Variants in LRRC69 observed in about 807,000 individuals in gnomAD.
LRRC69 encodes leucine-rich repeat-containing protein 69.
In LRRC69, 42 loss-of-function variants were observed where a neutral mutation model predicts 37.8. The observed-to-expected ratio is 1.11, with a 90% confidence interval of 0.87 to 1.44. LRRC69 has a LOEUF of 1.44. Among genes scored for constraint, LRRC69 ranks in the 40% most tolerant of loss-of-function variants. The probability of loss-of-function intolerance (pLI) is 0.00; values close to 1 mark genes in which losing one functional copy is unlikely to be tolerated. For synonymous variants in LRRC69, 141 were observed against 143.1 expected (o/e 0.99, Z 0.11); for missense variants, 357 against 401.9 (o/e 0.89, Z 0.96).
intron 5 of LRRC69, among the ~76,000 whole-genome samples, chr8:91,140,844 G>A (rs1390897471): frequency 2.5e-5 from 1 of 40,034 alleles, no homozygotes; most frequent in Admixed American, 1.7e-4. Context: ...TAGTAGAGAC[G>A]GGGTTTCACC....
chr8:91,133,124 CT>C lies in LRRC69; in HGVS notation c.400del (p.Tyr134IlefsTer2). ...TTTTTTTTTAGATTAAAAAGTCTTA[CT>C]TATATGAGTATAAATTATAACCAAC... On this transcript the variant is annotated frameshift_variant, in exon 4 of 8. Transcript: ENST00000448384. LOFTEE classifies it high-confidence loss of function. The C allele has an allele frequency of 7.0e-7, 1 of 1,434,244 alleles. No individual in the cohort carries two copies. Among genetic ancestry groups the C allele is most frequent in the Non-Finnish European group, 9.4e-7 (1 of 1,068,922 alleles). 88.8% of individuals were successfully genotyped at this position (1,434,244 alleles called of 1,614,324 possible). A position where few individuals can be genotyped will look rare whatever the true frequency, so the allele number is the denominator to read the frequency against.
At chr8:91,103,124 C>A (rs1444567976) in intron 1 of LRRC69, among the ~76,000 whole-genome samples, 4 of 152,104 alleles carry the variant, frequency 2.6e-5, no homozygotes, top group Non-Finnish European at 5.9e-5. Flanking sequence ...TAGAGGCTGT[C>A]ATCTGGAAAG....
At chr8:91,154,544 A>G (rs1482821568) in intron 5 of LRRC69, among the ~76,000 whole-genome samples, 1 of 151,960 alleles carries the variant, frequency 6.6e-6, no homozygotes, top group Non-Finnish European at 1.5e-5. Context: ...AGTGGTCTTC[A>G]TTCATGGGAT....
rs1046611147 is a variant in LRRC69, at chr8:91,124,434, CTTT to C, written c.184-54_184-52del. ...GTGAGCAAGGGAGCTTAAATTATTT[CTTT>C]TTTTCATTTGAAGTTGGATGATATA... On this transcript the variant is annotated intron_variant, in intron 1 of 7. Transcript: ENST00000448384. 8.8e-6 allele frequency: 12 copies of C among 1,359,512 alleles called. No individual in the cohort carries two copies. The African/African-American group carries it at 1.8e-4, about 20-fold the overall frequency. 84.2% of individuals were successfully genotyped at this position (1,359,512 alleles called of 1,614,324 possible).
chr8:91,199,686 A>G (rs1809680782), intron 6 of LRRC69, among the ~76,000 whole-genome samples: 1 of 152,188 alleles, frequency 6.6e-6, no homozygotes, highest in Non-Finnish European at 1.5e-5. Flanking sequence ...TCATCCCCAA[A>G]CACTGTTAAA....
At chr8:91,124,832 G>A (rs1252343739) in intron 2 of LRRC69, 4 of 410,142 alleles carry the variant, frequency 9.8e-6, no homozygotes, top group East Asian at 5.1e-5. Flanking sequence ...AAATAAGTAA[G>A]CATCAGTGTT....
At chr8:91,104,138 CAG>C (rs1243372002) in intron 1 of LRRC69, among the ~76,000 whole-genome samples, 4 of 151,950 alleles carry the variant, frequency 2.6e-5, no homozygotes, top group Admixed American at 6.6e-5. Flanking sequence ...CATCTGGAAT[CAG>C]GGGATTAGGT....
chr8:91,119,161 TA>T (rs1227729188), intron 1 of LRRC69, among the ~76,000 whole-genome samples: 2 of 152,054 alleles, frequency 1.3e-5, no homozygotes, highest in Non-Finnish European at 2.9e-5. Context: ...ATCTTAAACA[TA>T]ATTGAATTAA....
intron 6 of LRRC69, among the ~76,000 whole-genome samples, chr8:91,199,175 AG>A (rs1295480365): frequency 1.3e-5 from 2 of 152,234 alleles, no homozygotes; most frequent in Non-Finnish European, 2.9e-5. Flanking sequence ...TGTAGCTAAA[AG>A]CCCACCTATA....
intron 5 of LRRC69, among the ~76,000 whole-genome samples, chr8:91,160,273 G>T (rs56277320): frequency 6.7e-6 from 1 of 149,688 alleles, no homozygotes; most frequent in Admixed American, 6.7e-5. Flanking sequence ...GTTCAAACAG[G>T]TTTTTTGGCG....
intron 7 of LRRC69, among the ~76,000 whole-genome samples, chr8:91,204,946 A>G (rs1809774940): frequency 6.6e-6 from 1 of 152,214 alleles, no homozygotes; most frequent in Non-Finnish European, 1.5e-5. Flanking sequence ...AATACAATGA[A>G]CATTTGTATA....
At chr8:91,208,976 C>T (rs1020121637) in intron 7 of LRRC69, among the ~76,000 whole-genome samples, 4 of 152,158 alleles carry the variant, frequency 2.6e-5, no homozygotes, top group African/African-American at 9.7e-5. Context: ...TTTGGCTGCT[C>T]TCTTACTCTA....
chr8:91,209,778 A>G (rs1563627253), intron 7 of LRRC69, among the ~76,000 whole-genome samples: 1 of 152,238 alleles, frequency 6.6e-6, no homozygotes, highest in Non-Finnish European at 1.5e-5. Context: ...AACCTTATCT[A>G]TTCCATCATG....
At chr8:91,102,789 T>A in exon 1 of LRRC69, 1 of 1,551,900 alleles carries the variant, frequency 6.4e-7, no homozygotes, top group Non-Finnish European at 8.7e-7. Context: ...AAGACTCTAG[T>A]CCTTCAGAAT....
chr8:91,163,671 C>G (rs1808983641), intron 5 of LRRC69, among the ~76,000 whole-genome samples: 1 of 151,392 alleles, frequency 6.6e-6, no homozygotes, highest in South Asian at 2.1e-4. Flanking sequence ...AGGTAAATCT[C>G]TTTAATAGCT....
chr8:91,198,799 A>G (rs563089005), intron 6 of LRRC69, among the ~76,000 whole-genome samples: 44 of 152,272 alleles, frequency 2.9e-4, no homozygotes, highest in Admixed American at 8.5e-4. Flanking sequence ...ATTGCACTGA[A>G]TGCATCTCTA....
intron 5 of LRRC69, among the ~76,000 whole-genome samples, chr8:91,182,064 C>A (rs955606226): frequency 6.6e-6 from 1 of 152,114 alleles, no homozygotes; most frequent in African/African-American, 2.4e-5. Context: ...TATTTTCCAA[C>A]ATTTAAATGA....
intron 5 of LRRC69, among the ~76,000 whole-genome samples, chr8:91,166,712 A>T (rs1324730336): frequency 6.6e-6 from 1 of 151,772 alleles, no homozygotes; most frequent in Non-Finnish European, 1.5e-5. Context: ...ATACATATAC[A>T]ATTGTTACTC....
chr8:91,200,739 CAGTACTTTATAACCGTAT>C (rs1283982057), exon 7 of LRRC69: 1 of 1,539,192 alleles, frequency 6.5e-7, no homozygotes. Flanking sequence ...AATATGTGGA[CAGTACTTTATAACCGTAT>C]GGCTGGAATG....
Sources: allele counts gnomAD v4.1 joint callset (sites outside exome capture counted in the v4.1 genomes callset), GRCh38; gene constraint gnomAD v4.1.1; transcripts MANE v1.5; gene names NCBI Gene and HGNC (gene_info 2026-07-23, HGNC 2026-07-21).